The following GALK2 variants were observed in gnomAD, a reference collection of about 807,000 sequenced individuals.
GALK2 encodes the protein galactokinase 2.
Under a neutral mutation model 52.4 loss-of-function variants are expected in GALK2, and 36 were observed. The observed-to-expected ratio is 0.69, with a 90% CI of 0.53 to 0.91. The LOEUF is 0.91. Ranked by LOEUF, GALK2 falls within the 40% of genes least tolerant of loss-of-function variation. GALK2 has a pLI of 0.00. For missense variants in GALK2, 579 were observed against 559.1 expected (o/e 1.04, Z -0.36); for synonymous variants, 176 against 199.1 (o/e 0.88, Z 0.98).
rs759426348 is a variant in GALK2, at chr15:49,292,491, C to T, written c.921C>T (p.Ser307=). Residue 307 remains serine, a synonymous_variant, in exon 8 of 10, where the codon AGC becomes AGT. Transcript: ENST00000560031. ...AGATCTGCAGGTGTCTGGGAATTAG[C>T]CTGGAGGAACTCCGAACCCAAATCC... is the stretch of plus-strand genomic sequence containing the variant. The part of the protein sequence containing the change: ...PEEICRCLGI[S]LEELRTQILS... 1.9e-6 allele frequency: 3 copies of T among 1,613,958 alleles called. No individual in the cohort carries two copies. The East Asian group carries it at 6.7e-5, about 36-fold the overall frequency.
At chr15:49,265,976 A>AAATAT (rs2092346690) in intron 5 of GALK2, among the ~76,000 whole-genome samples, 1 of 152,130 alleles carries the variant, frequency 6.6e-6, no homozygotes, top group South Asian at 2.1e-4. Context: ...ATTTTTTTCG[A>AAATAT]AATATAGTGG....
intron 3 of GALK2, among the ~76,000 whole-genome samples, chr15:49,234,987 G>A (rs111790778): frequency 0.15 from 23,083 of 151,972 alleles, 2,254 homozygotes; most frequent in Non-Finnish European, 0.21. Flanking sequence ...GGCTTGTCTC[G>A]AACTCCTGAA....
chr15:49,365,736 T>A, intron 3 of GALK2: 1 of 881,370 alleles, frequency 1.1e-6, no homozygotes. Flanking sequence ...AGATATCTTG[T>A]AAAATCCAAG....
At chr15:49,217,810 A>G (rs1186028055) in intron 3 of GALK2, among the ~76,000 whole-genome samples, 1 of 152,222 alleles carries the variant, frequency 6.6e-6, no homozygotes, top group Non-Finnish European at 1.5e-5. Flanking sequence ...CTGGTGCCTA[A>G]TAGAGGTAAG....
chr15:49,180,541 C>A (rs1224710987), intron 1 of GALK2, among the ~76,000 whole-genome samples: 1 of 152,198 alleles, frequency 6.6e-6, no homozygotes. Context: ...ACCCAGTGAG[C>A]TTTTTCAAAT....
intron 8 of GALK2, among the ~76,000 whole-genome samples, chr15:49,303,752 A>T (rs751317675): frequency 2.6e-5 from 4 of 151,610 alleles, no homozygotes; most frequent in Non-Finnish European, 5.9e-5. Flanking sequence ...TTTGTTTCTG[A>T]CCCTGTAGTT....
At chr15:49,291,875 A>T (rs551812709) in intron 7 of GALK2, among the ~76,000 whole-genome samples, 4 of 152,324 alleles carry the variant, frequency 2.6e-5, no homozygotes, top group Admixed American at 2.6e-4. Context: ...GACATATAGT[A>T]AACAGGAAGT....
chr15:49,223,894 A>G lies in GALK2; in HGVS notation c.266+6581A>G, dbSNP rs760549845. ...TTTTTTTAGAATAATTTATTTTCCT[A>G]TGGGTATATACCCAGTAATGGGATT... On this transcript the variant is annotated intron_variant, in intron 3 of 9. Transcript: ENST00000560031. 3.3e-5 allele frequency among the ~76,000 whole-genome samples: 5 copies of G among 150,252 alleles called. No individual in the cohort carries two copies. The East Asian group carries it at 5.9e-4, about 18-fold the overall frequency.
At chr15:49,332,084 G>A (rs1463792094), downstream of GALK2, among the ~76,000 whole-genome samples, 5 of 98,660 alleles carry the variant, frequency 5.1e-5, no homozygotes, top group Admixed American at 2.2e-4. Flanking sequence ...ATGTGCACAC[G>A]TGCCACACAC....
intron 5 of GALK2, among the ~76,000 whole-genome samples, chr15:49,248,879 G>A (rs966796928): frequency 2.0e-5 from 3 of 152,140 alleles, no homozygotes; most frequent in African/African-American, 4.8e-5. Context: ...GCAGATTTGA[G>A]GAGTGTGTGT....
At chr15:49,224,460 G>A (rs115586821) in intron 3 of GALK2, among the ~76,000 whole-genome samples, 2,612 of 152,238 alleles carry the variant, frequency 0.017, 95 homozygotes, top group African/African-American at 0.06. Flanking sequence ...ACAGCTTGAG[G>A]TCTTATATTT....
In GALK2 at chr15:49,198,168, G is replaced by A. The variant is rs539350707; in HGVS notation, c.54-2994G>A. Among the ~76,000 whole-genome samples the A allele has an allele frequency of 9.7e-4, 147 of 152,254 alleles. 1 individual carries two copies. The highest frequency in any genetic ancestry group is 3.1e-3 in the Admixed American group (47 of 15,284). Reference sequence around the variant, plus strand: ...CCTACCATCTCTCATTGCTTGTGATGTATTCTTTTTTGTTGTTGTTGTTGA... The same window carrying A: ...CCTACCATCTCTCATTGCTTGTGATATATTCTTTTTTGTTGTTGTTGTTGA... On this transcript the variant is annotated intron_variant, in intron 1 of 9. Transcript: ENST00000560031.
intron 9 of GALK2, among the ~76,000 whole-genome samples, chr15:49,326,181 G>C (rs1030484083): frequency 3.3e-5 from 5 of 151,416 alleles, no homozygotes; most frequent in African/African-American, 1.2e-4. Flanking sequence ...GTCTTCCAGA[G>C]ACACTTCAGT....
chr15:49,354,539 C>G (rs573926964), intron 3 of GALK2, among the ~76,000 whole-genome samples: 2 of 152,152 alleles, frequency 1.3e-5, no homozygotes, highest in Admixed American at 6.5e-5. Context: ...CTTTTCCGAC[C>G]GGCTTAAAAA....
At chr15:49,287,219 A>G (rs2141795577) in intron 7 of GALK2, among the ~76,000 whole-genome samples, 1 of 152,292 alleles carries the variant, frequency 6.6e-6, no homozygotes, top group East Asian at 1.9e-4. Context: ...GGTCAGCAAA[A>G]TTGGCATCTG....
intron 5 of GALK2, among the ~76,000 whole-genome samples, chr15:49,275,247 C>T (rs2031465080): frequency 1.3e-5 from 2 of 152,208 alleles, no homozygotes; most frequent in South Asian, 4.1e-4. Flanking sequence ...CTCCAAAATG[C>T]TTTTGTGCAG....
At chr15:49,194,646 A>C (rs964799035) in intron 1 of GALK2, among the ~76,000 whole-genome samples, 6 of 141,212 alleles carry the variant, frequency 4.2e-5, no homozygotes, top group Admixed American at 1.5e-4. Context: ...CCTGGGCTGG[A>C]GTGCAATGGT....
chr15:49,273,130 T>C (rs1319666116), intron 5 of GALK2, among the ~76,000 whole-genome samples: 1 of 152,234 alleles, frequency 6.6e-6, no homozygotes, highest in African/African-American at 2.4e-5. Context: ...ATTGAGCTTT[T>C]ATAGGAACAT....
intron 3 of GALK2, chr15:49,235,498 G>A (rs781394802): frequency 1.0e-5 from 4 of 392,154 alleles, no homozygotes; most frequent in African/African-American, 2.1e-5. Context: ...TTCAGTTTGG[G>A]GGTGTGCCAA....
Sources: allele counts gnomAD v4.1 joint callset (sites outside exome capture counted in the v4.1 genomes callset), GRCh38; gene constraint gnomAD v4.1.1; transcripts MANE v1.5; gene names NCBI Gene and HGNC (gene_info 2026-07-23, HGNC 2026-07-21).